Variants in SLC2A5 observed in about 807,000 individuals in gnomAD.
The protein encoded by SLC2A5 is solute carrier family 2 member 5.
In SLC2A5, 56 loss-of-function variants were observed where a neutral mutation model predicts 50.3. That is an observed-to-expected ratio of 1.11 (90% CI 0.90 to 1.39). SLC2A5 has a LOEUF of 1.39. Among genes scored for constraint, SLC2A5 ranks in the 40% most tolerant of loss-of-function variants. The pLI, the probability that SLC2A5 is intolerant of heterozygous loss-of-function variation, is 0.00. For synonymous variants in SLC2A5, 269 were observed against 281.9 expected, an observed-to-expected ratio of 0.95 and a Z score of 0.46; for missense variants, 566 against 650.1, an observed-to-expected ratio of 0.87 and a Z score of 1.41.
At chr1:9,084,584 C>G (rs907660437) in intron 2 of SLC2A5, among the ~76,000 whole-genome samples, 1 of 152,202 alleles carries the variant, frequency 6.6e-6, no homozygotes, top group South Asian at 2.1e-4. Context: ...GGCCCACCAT[C>G]CCAGCCTGTT....
At chr1:9,059,037 G>A (rs1305240780) in intron 1 of SLC2A5, among the ~76,000 whole-genome samples, 1 of 151,832 alleles carries the variant, frequency 6.6e-6, no homozygotes, top group Non-Finnish European at 1.5e-5. Context: ...TCTAGCTGCA[G>A]AGGTGAATCT....
At chr1:9,089,415 C>G (rs1642439230), upstream of SLC2A5, among the ~76,000 whole-genome samples, 1 of 152,188 alleles carries the variant, frequency 6.6e-6, no homozygotes, top group Admixed American at 6.5e-5. Flanking sequence ...ATTTCCCAAT[C>G]TGCCCCAGAT....
intron 2 of SLC2A5, among the ~76,000 whole-genome samples, chr1:9,077,842 G>A (rs548486590): frequency 6.6e-6 from 1 of 151,676 alleles, no homozygotes; most frequent in African/African-American, 2.4e-5. Flanking sequence ...TGGGAGTGTT[G>A]GTCCTGATCC....
intron 3 of SLC2A5, among the ~76,000 whole-genome samples, chr1:9,053,575 T>C (rs1391946723): frequency 8.3e-6 from 1 of 119,924 alleles, no homozygotes; most frequent in African/African-American, 3.1e-5. Flanking sequence ...TATATTTATA[T>C]ATATATTTTT....
At chr1:9,093,968 G>T in the SLC2A5 span, among the ~76,000 whole-genome samples, 1 of 152,076 alleles carries the variant, frequency 6.6e-6, no homozygotes, top group African/African-American at 2.4e-5. Flanking sequence ...ATTTCAAACC[G>T]ATTACAACTC....
At chr1:9,060,713 C>T (rs1641918990) in intron 1 of SLC2A5, among the ~76,000 whole-genome samples, 1 of 148,168 alleles carries the variant, frequency 6.7e-6, no homozygotes, top group Admixed American at 6.8e-5. Flanking sequence ...ACACACACAG[C>T]CCACCCCCCA....
At chr1:9,066,936 C>T (rs1642097656) in intron 1 of SLC2A5, among the ~76,000 whole-genome samples, 1 of 150,934 alleles carries the variant, frequency 6.6e-6, no homozygotes, top group African/African-American at 2.4e-5. Flanking sequence ...TATGATCCCA[C>T]CATTGCACTC....
At chr1:9,038,192 G>A (rs1041619210) in intron 10 of SLC2A5, among the ~76,000 whole-genome samples, 168 bp from the exon 11 acceptor site, 16 of 152,202 alleles carry the variant, frequency 1.1e-4, no homozygotes, top group Admixed American at 1.0e-3. Flanking sequence ...AGGGATGGCA[G>A]GCCAGCAACC....
At position 9,040,846 on chromosome 1, in the gene SLC2A5, C is replaced by T. The variant is rs1353819002; in HGVS notation, c.572-657G>A. On this transcript the variant is annotated intron_variant, in intron 5 of 11. Coordinates refer to ENST00000377424, the MANE Select transcript of SLC2A5 (RefSeq NM_003039.3). This position sits in a 1 kb window ranked among gnomAD's most constrained non-coding sequence, Gnocchi z 4.3. ...GAACGCGGCGCCTTGGCGTAAGTGTCCCCAACACATGCAGGAGTGAAGGAG... is the reference window on the plus strand; with the variant it reads ...GAACGCGGCGCCTTGGCGTAAGTGTTCCCAACACATGCAGGAGTGAAGGAG... 2 of 153,118 alleles carry T rather than the reference C, an allele frequency of 1.3e-5. No homozygotes were observed. Among genetic ancestry groups the T allele is most frequent in the Admixed American group, 6.5e-5 (1 of 15,292 alleles). 9.5% of individuals were successfully genotyped at this position (153,118 alleles called of 1,614,324 possible).
At chr1:9,055,492 G>C (rs1641727955) in intron 3 of SLC2A5, among the ~76,000 whole-genome samples, 1 of 152,054 alleles carries the variant, frequency 6.6e-6, no homozygotes, top group South Asian at 2.1e-4. Context: ...ACTCCAGCCT[G>C]GGTGACAGGG....
chr1:9,081,978 A>G (rs891177060), intron 2 of SLC2A5, among the ~76,000 whole-genome samples: 1 of 152,168 alleles, frequency 6.6e-6, no homozygotes, highest in Non-Finnish European at 1.5e-5. Context: ...GCTACTTGGG[A>G]GGCCAAGGCA....
upstream of SLC2A5, among the ~76,000 whole-genome samples, chr1:9,093,125 C>T (rs1642477324): frequency 6.6e-6 from 1 of 152,078 alleles, no homozygotes; most frequent in African/African-American, 2.4e-5. Flanking sequence ...AAATACTTGC[C>T]ACAACCCATC....
chr1:9,047,575 C>A (rs1297858827), intron 4 of SLC2A5, 35 bp downstream of exon 4: 1 of 1,605,806 alleles, frequency 6.2e-7, no homozygotes, highest in East Asian at 2.2e-5. Context: ...CTTGACGACC[C>A]TCACAGAATG....
chr1:9,087,594 G>A (rs1361695698), intron 1 of SLC2A5, among the ~76,000 whole-genome samples: 4 of 151,978 alleles, frequency 2.6e-5, no homozygotes, highest in Non-Finnish European at 5.9e-5. Context: ...AGAGGCAGTG[G>A]GCAGCAGCGG....
At position 9,042,011 on chromosome 1, in the gene SLC2A5, A is replaced by G. The variant is rs529633276; in HGVS notation, c.419-74T>C. ...GGGACAAGCTGTCTTCAAGTATACT[A>G]TTCTTAGCAATAACATTATTTGGGC... On this transcript the variant is annotated intron_variant, in intron 4 of 11. Transcript: ENST00000377424. 5 of 1,458,052 alleles carry G rather than the reference A, an allele frequency of 3.4e-6. 1 individual carries two copies. The South Asian group carries it at 7.5e-5, about 22-fold the overall frequency. The allele number at this position is 1,458,052 out of a possible 1,614,324, so 90.3% of individuals were successfully genotyped here. A position where few individuals can be genotyped will look rare whatever the true frequency, so the allele number is the denominator to read the frequency against.
At chr1:9,075,746 G>A (rs762152964) in intron 2 of SLC2A5, among the ~76,000 whole-genome samples, 3 of 150,794 alleles carry the variant, frequency 2.0e-5, no homozygotes, top group East Asian at 3.9e-4. Context: ...CTGTAACCTC[G>A]GCCTCCCAAG....
At chr1:9,062,965 T>C (rs1335315114) in intron 1 of SLC2A5, among the ~76,000 whole-genome samples, 1 of 152,158 alleles carries the variant, frequency 6.6e-6, no homozygotes. Context: ...AGACAGCAGA[T>C]GGGCACTTGG....
intron 2 of SLC2A5, among the ~76,000 whole-genome samples, chr1:9,074,969 A>C (rs12733328): frequency 0.16 from 24,421 of 151,850 alleles, 2,087 homozygotes; most frequent in East Asian, 0.27. Flanking sequence ...CTGCAGTGAG[A>C]TGTGACTGAG....
intron 3 of SLC2A5, among the ~76,000 whole-genome samples, chr1:9,048,463 G>A (rs1302028337): frequency 2.0e-5 from 3 of 152,072 alleles, no homozygotes; most frequent in Non-Finnish European, 4.4e-5. Context: ...CGTGAGCTGA[G>A]ATCGTGCCAC....
Sources: gnomAD v4.1 joint callset for allele counts (sites outside exome capture counted in the v4.1 genomes callset) on GRCh38, gnomAD v4.1.1 for gene constraint, Gnocchi (gnomAD v3.1) non-coding constraint, MANE v1.5 for transcripts, NCBI Gene and HGNC (gene_info 2026-07-23, HGNC 2026-07-21) for gene names.